EPHA6: variants seen among roughly 807,000 people sequenced by gnomAD.
EPHA6 encodes the protein ephrin type-A receptor 6.
A neutral mutation model predicts 112.0 loss-of-function variants in EPHA6; 50 were observed. That is an observed-to-expected ratio of 0.45 (90% CI 0.36 to 0.56). EPHA6 has a LOEUF of 0.56. Among genes scored for constraint, EPHA6 ranks in the 20% least tolerant of loss-of-function variants. EPHA6 has a pLI of 0.00. For synonymous variants in EPHA6, 529 were observed against 490.7 expected (o/e 1.08, Z -1.03); for missense variants, 1,280 against 1,417.4 (o/e 0.90, Z 1.56).
At chr3:97,374,911 G>A (rs1449638378) in intron 5 of EPHA6, among the ~76,000 whole-genome samples, 2 of 152,008 alleles carry the variant, frequency 1.3e-5, no homozygotes, top group Non-Finnish European at 2.9e-5. Context: ...TCTGGTTGGG[G>A]TTTGAAGAAT....
chr3:97,656,186 G>A (rs1385413243), intron 14 of EPHA6, among the ~76,000 whole-genome samples: 2 of 151,778 alleles, frequency 1.3e-5, no homozygotes, highest in Non-Finnish European at 2.9e-5. Context: ...CTTCTCTCTG[G>A]TATTAGTTGC....
chr3:97,593,544 A>G (rs1366050994), intron 12 of EPHA6, among the ~76,000 whole-genome samples: 1 of 152,216 alleles, frequency 6.6e-6, no homozygotes, highest in Admixed American at 6.5e-5. Context: ...ACTAATAATA[A>G]TGCTAAAAAA....
At chr3:97,640,187 C>T (rs1039036968) in intron 14 of EPHA6, among the ~76,000 whole-genome samples, 1 of 151,896 alleles carries the variant, frequency 6.6e-6, no homozygotes, top group African/African-American at 2.4e-5. Context: ...CACAAAAAGT[C>T]AAAATGTGAA....
intron 10 of EPHA6, among the ~76,000 whole-genome samples, chr3:97,528,826 G>A (rs2092661051): frequency 1.3e-5 from 2 of 152,114 alleles, no homozygotes; most frequent in Admixed American, 1.3e-4. Context: ...GTCCAGGAAT[G>A]TTTTACCAAC....
chr3:97,293,591 GT>G (rs2080773231), intron 5 of EPHA6, among the ~76,000 whole-genome samples: 1 of 152,200 alleles, frequency 6.6e-6, no homozygotes, highest in Admixed American at 6.5e-5. Flanking sequence ...TGATTCCAGG[GT>G]TTTTATGGGC....
rs567980690 is a variant in EPHA6 at position 96,915,447 on chromosome 3, G to A, written c.450+48558G>A. On this transcript the variant is annotated intron_variant, in intron 2 of 17. Transcript: ENST00000389672. ...GACTGCTATTATTTGGCTTGAATGG[G>A]AGGTGATGAGCAGAATAAATTCAAG... Among the ~76,000 whole-genome samples, 13 of 152,194 alleles carry A rather than the reference G, an allele frequency of 8.5e-5. No homozygotes were observed. The South Asian group carries it at 2.5e-3, about 29-fold the overall frequency.
chr3:97,546,808 G>A (rs1463124484), intron 11 of EPHA6, among the ~76,000 whole-genome samples: 1 of 151,706 alleles, frequency 6.6e-6, no homozygotes, highest in East Asian at 1.9e-4. Context: ...ACTTTATTTT[G>A]TTCATTTCCT....
chr3:97,344,519 G>A (rs2083447368), intron 5 of EPHA6, among the ~76,000 whole-genome samples: 1 of 152,090 alleles, frequency 6.6e-6, no homozygotes, highest in Non-Finnish European at 1.5e-5. Flanking sequence ...ACAGGGAGAA[G>A]GTAGCCATAT....
chr3:97,050,866 ATTAT>A (rs891989717), intron 3 of EPHA6, among the ~76,000 whole-genome samples: 3 of 152,222 alleles, frequency 2.0e-5, no homozygotes, highest in Non-Finnish European at 4.4e-5. Flanking sequence ...TTTCAGGCTG[ATTAT>A]TTAGGAATAA....
chr3:96,919,317 CA>C (rs2039643381), intron 2 of EPHA6, among the ~76,000 whole-genome samples: 1 of 151,728 alleles, frequency 6.6e-6, no homozygotes, highest in South Asian at 2.1e-4. Context: ...TCAAGAATGA[CA>C]AAATCACATA....
At chr3:97,330,863 C>G (rs1044065424) in intron 5 of EPHA6, among the ~76,000 whole-genome samples, 1 of 151,998 alleles carries the variant, frequency 6.6e-6, no homozygotes, top group Non-Finnish European at 1.5e-5. Context: ...CAAGGATATC[C>G]GGGAACTGAA....
chr3:97,061,021 G>C (rs1019219321), intron 3 of EPHA6, among the ~76,000 whole-genome samples: 1 of 151,300 alleles, frequency 6.6e-6, no homozygotes, highest in Non-Finnish European at 1.5e-5. Context: ...AGAGAAACAG[G>C]TAATGGTGGC....
intron 5 of EPHA6, among the ~76,000 whole-genome samples, chr3:97,302,847 C>T (rs891069161): frequency 6.6e-6 from 1 of 151,778 alleles, no homozygotes; most frequent in South Asian, 2.1e-4. Flanking sequence ...ATAAATTATA[C>T]TATGCAGTTA....
At chr3:96,960,383 G>A (rs2041911599) in intron 2 of EPHA6, among the ~76,000 whole-genome samples, 1 of 152,112 alleles carries the variant, frequency 6.6e-6, no homozygotes, top group Admixed American at 6.6e-5. Flanking sequence ...CTCCCTGGTT[G>A]CCACTCAAAC....
At chr3:97,715,452 C>T (rs73134982) in intron 14 of EPHA6, among the ~76,000 whole-genome samples, 5,564 of 152,244 alleles carry the variant, frequency 0.037, 137 homozygotes, top group Non-Finnish European at 0.055. Context: ...ATAATATATA[C>T]TCATTAATTG....
chr3:97,419,233 G>A (rs527718973), intron 6 of EPHA6, among the ~76,000 whole-genome samples: 1 of 152,044 alleles, frequency 6.6e-6, no homozygotes, highest in Admixed American at 6.6e-5. Context: ...AACCCAGGAG[G>A]TGGAAGTTGC....
intron 2 of EPHA6, among the ~76,000 whole-genome samples, chr3:96,961,176 AG>A (rs1472816450): frequency 6.6e-6 from 1 of 152,220 alleles, no homozygotes; most frequent in Non-Finnish European, 1.5e-5. Context: ...CCTCAGGCAA[AG>A]GGAGGCTACT....
intron 5 of EPHA6, among the ~76,000 whole-genome samples, chr3:97,307,610 CTT>C (rs199688049): frequency 1.4e-5 from 2 of 142,560 alleles, no homozygotes. Context: ...ATTTTGTTGC[CTT>C]TTTTTTTTTC....
At chr3:97,350,768 C>A (rs1460125101) in intron 5 of EPHA6, among the ~76,000 whole-genome samples, 1 of 152,082 alleles carries the variant, frequency 6.6e-6, no homozygotes, top group African/African-American at 2.4e-5. Context: ...CATGTTCATT[C>A]CAAATCAGGC....
Sources: allele counts gnomAD v4.1 joint callset (sites outside exome capture counted in the v4.1 genomes callset), GRCh38; gene constraint gnomAD v4.1.1; transcripts MANE v1.5; gene names NCBI Gene and HGNC (gene_info 2026-07-23, HGNC 2026-07-21).